PRKG1: variants seen among roughly 807,000 people sequenced by gnomAD.
PRKG1 encodes protein kinase cGMP-dependent 1, also known as cGMP-dependent protein kinase 1.
PRKG1 carries 35 observed loss-of-function variants against 88.1 expected under a neutral mutation model. The ratio of observed to expected loss-of-function variants is 0.40; its 90% CI spans 0.30 to 0.53. PRKG1 has a LOEUF of 0.53. Among genes scored for constraint, PRKG1 ranks in the 20% least tolerant of loss-of-function variants. The probability of loss-of-function intolerance (pLI) is 0.59; values close to 1 mark genes in which losing one functional copy is unlikely to be tolerated. For missense variants in PRKG1, 540 were observed against 839.8 expected (o/e 0.64, Z 4.41); for synonymous variants, 303 against 292.5 (o/e 1.04, Z -0.37).
chr10:51,587,800 T>G (rs537827450), intron 3 of PRKG1, among the ~76,000 whole-genome samples: 1 of 152,302 alleles, frequency 6.6e-6, no homozygotes, highest in Non-Finnish European at 1.5e-5. Flanking sequence ...AGCCTCAATC[T>G]TCTCATCTGA....
At chr10:51,628,975 A>AAAC (rs1554827090) in intron 3 of PRKG1, among the ~76,000 whole-genome samples, 1 of 45,290 alleles carries the variant, frequency 2.2e-5, no homozygotes, top group African/African-American at 4.3e-5. Context: ...CAAAAAAAAA[A>AAAC]AAAACAAAAA....
intron 3 of PRKG1, among the ~76,000 whole-genome samples, chr10:51,534,529 G>C (rs1432908273): frequency 7.5e-6 from 1 of 132,986 alleles, no homozygotes; most frequent in Non-Finnish European, 1.6e-5. Flanking sequence ...TTAGCCGGGC[G>C]AGGTGGCGGG....
chr10:51,778,568 A>T (rs1354792272), intron 3 of PRKG1, among the ~76,000 whole-genome samples: 2 of 152,192 alleles, frequency 1.3e-5, no homozygotes, highest in Non-Finnish European at 1.5e-5. Context: ...AGAGAACATA[A>T]TTTTAAAGAG....
intron 2 of PRKG1, among the ~76,000 whole-genome samples, chr10:51,439,613 G>A (rs1447412803): frequency 6.3e-4 from 95 of 151,968 alleles, no homozygotes; most frequent in Non-Finnish European, 1.6e-4. Context: ...AAGTATAGAA[G>A]TAGCATTACT....
intron 1 of PRKG1, among the ~76,000 whole-genome samples, chr10:51,130,209 A>G (rs1187408483): frequency 8.5e-5 from 13 of 152,176 alleles, no homozygotes. Context: ...TCTCTCCTCC[A>G]TTCTCTAACA....
chr10:51,569,475 T>C lies in PRKG1; in HGVS notation c.592+101639T>C, dbSNP rs147245807. Among the ~76,000 whole-genome samples the C allele has an allele frequency of 2.1e-3, 322 of 152,160 alleles. 3 individuals are homozygous for C. The highest frequency in any genetic ancestry group is 7.1e-3 in the African/African-American group (295 of 41,552). Reference sequence around the variant, plus strand: ...CCAGGTTAAATAATGAACTATAATATTATAGTAGTAATAATAATATCTGCC... The same window carrying C: ...CCAGGTTAAATAATGAACTATAATACTATAGTAGTAATAATAATATCTGCC... On this transcript the variant is annotated intron_variant, in intron 3 of 17. Transcript: ENST00000373980.
At chr10:51,072,225 A>C (rs1589132571), upstream of PRKG1, among the ~76,000 whole-genome samples, 1 of 152,270 alleles carries the variant, frequency 6.6e-6, no homozygotes, top group East Asian at 1.9e-4. Flanking sequence ...AACAAAAAAA[A>C]AACAAAGAGA....
At chr10:51,860,707 T>TA (rs1488815473) in intron 4 of PRKG1, among the ~76,000 whole-genome samples, 1 of 152,112 alleles carries the variant, frequency 6.6e-6, no homozygotes, top group Non-Finnish European at 1.5e-5. Flanking sequence ...TGGATGTTTT[T>TA]AAAAAAATAG....
chr10:51,043,050 G>A (rs1843444759), intron 1 of PRKG1, among the ~76,000 whole-genome samples: 1 of 152,092 alleles, frequency 6.6e-6, no homozygotes, highest in Non-Finnish European at 1.5e-5. Flanking sequence ...TCCCTTTATG[G>A]TATTTTGTTA....
At chr10:51,238,921 T>A (rs1274923314) in intron 2 of PRKG1, among the ~76,000 whole-genome samples, 2 of 151,982 alleles carry the variant, frequency 1.3e-5, no homozygotes, top group East Asian at 3.9e-4. Flanking sequence ...AATTTTTATT[T>A]TTTTTTTAAT....
intron 4 of PRKG1, among the ~76,000 whole-genome samples, chr10:51,873,989 A>C (rs2132863409): frequency 6.6e-6 from 1 of 152,286 alleles, no homozygotes; most frequent in South Asian, 2.1e-4. Context: ...TTGAAGTAAA[A>C]GTCTACTTTC....
intron 5 of PRKG1, among the ~76,000 whole-genome samples, chr10:51,949,426 A>G (rs1472157796): frequency 1.3e-5 from 2 of 151,926 alleles, no homozygotes; most frequent in East Asian, 3.9e-4. Flanking sequence ...CAGCCTGGGA[A>G]ACACAGGGAG....
chr10:51,544,096 A>C (rs1421702682), intron 3 of PRKG1, among the ~76,000 whole-genome samples: 4 of 152,064 alleles, frequency 2.6e-5, no homozygotes, highest in African/African-American at 9.7e-5. Context: ...GGTACATGTG[A>C]ACAATGTGCA....
At chr10:51,731,176 CAAAA>C (rs750941297) in intron 3 of PRKG1, among the ~76,000 whole-genome samples, 3 of 151,982 alleles carry the variant, frequency 2.0e-5, no homozygotes, top group East Asian at 1.9e-4. Flanking sequence ...AACAAACAAA[CAAAA>C]AACCCACTTC....
intron 11 of PRKG1, among the ~76,000 whole-genome samples, chr10:52,271,981 A>C (rs1393538595): frequency 6.6e-6 from 1 of 152,088 alleles, no homozygotes; most frequent in Non-Finnish European, 1.5e-5. Context: ...ACAAGATGTA[A>C]CATGAATTTG....
intron 9 of PRKG1, among the ~76,000 whole-genome samples, chr10:52,186,931 A>G (rs537362778): frequency 8.5e-5 from 13 of 152,306 alleles, no homozygotes; most frequent in Non-Finnish European, 1.6e-4. Context: ...CACAATTTGT[A>G]TTTGACAAGA....
intron 3 of PRKG1, among the ~76,000 whole-genome samples, chr10:51,582,839 T>C (rs540181548): frequency 2.0e-3 from 303 of 152,256 alleles, no homozygotes; most frequent in African/African-American, 7.1e-3. Flanking sequence ...ATTTTTACCA[T>C]ATTGAGTTCA....
intron 2 of PRKG1, among the ~76,000 whole-genome samples, chr10:51,293,679 G>C (rs1840641927): frequency 6.6e-6 from 1 of 152,100 alleles, no homozygotes; most frequent in Non-Finnish European, 1.5e-5. Context: ...ATGATGCCAT[G>C]AATATGAGAG....
At chr10:52,203,708 A>C (rs1281427986) in intron 9 of PRKG1, among the ~76,000 whole-genome samples, 2 of 152,244 alleles carry the variant, frequency 1.3e-5, no homozygotes, top group South Asian at 2.1e-4. Flanking sequence ...CATTGGATGC[A>C]TGTATATTTA....
Sources: allele counts gnomAD v4.1 joint callset (sites outside exome capture counted in the v4.1 genomes callset), GRCh38; gene constraint gnomAD v4.1.1; transcripts MANE v1.5; gene names NCBI Gene and HGNC (gene_info 2026-07-23, HGNC 2026-07-21).